CAMK1D: variants seen among roughly 807,000 people sequenced by gnomAD.
CAMK1D encodes calcium/calmodulin dependent protein kinase ID, also known as calcium/calmodulin-dependent protein kinase type 1D.
Under a neutral mutation model 47.7 loss-of-function variants are expected in CAMK1D, and 9 were observed. The observed-to-expected ratio is 0.19, with a 90% CI of 0.11 to 0.33. The LOEUF is 0.33. Ranked by LOEUF, CAMK1D falls within the 10% of genes least tolerant of loss-of-function variation. CAMK1D has a pLI of 1.00. For synonymous variants in CAMK1D, 184 were observed against 184.9 expected, an observed-to-expected ratio of 0.99 and a Z score of 0.04; for missense variants, 291 against 488.7, an observed-to-expected ratio of 0.60 and a Z score of 3.81.
chr10:12,746,564 C>T (rs1292927393), intron 3 of CAMK1D, among the ~76,000 whole-genome samples: 1 of 152,158 alleles, frequency 6.6e-6, no homozygotes, highest in Non-Finnish European at 1.5e-5. Context: ...GCTCCTGGAA[C>T]ACCTTCTCTT....
intron 1 of CAMK1D, among the ~76,000 whole-genome samples, chr10:12,526,740 A>G (rs1479181244): frequency 1.3e-5 from 2 of 152,100 alleles, no homozygotes; most frequent in East Asian, 3.9e-4. Flanking sequence ...CAATGTGGCG[A>G]AGCCCCATCT....
chr10:12,530,792 C>T (rs1415469587), intron 1 of CAMK1D, among the ~76,000 whole-genome samples: 2 of 152,142 alleles, frequency 1.3e-5, no homozygotes, highest in African/African-American at 2.4e-5. Flanking sequence ...TGTGGTGGCT[C>T]ACGCCTGTAA....
chr10:12,533,152 C>T (rs1483975248), intron 1 of CAMK1D, among the ~76,000 whole-genome samples: 3 of 152,168 alleles, frequency 2.0e-5, no homozygotes, highest in South Asian at 4.1e-4. Flanking sequence ...GGGATTATTA[C>T]GCATTGCATG....
chr10:12,516,186 T>C (rs1326866228), intron 1 of CAMK1D, among the ~76,000 whole-genome samples: 1 of 152,204 alleles, frequency 6.6e-6, no homozygotes, highest in East Asian at 1.9e-4. Context: ...CTTGATTTAC[T>C]GCAAGCTCTG....
At chr10:12,827,846 G>C (rs1387819026) in intron 10 of CAMK1D, among the ~76,000 whole-genome samples, 1 of 151,910 alleles carries the variant, frequency 6.6e-6, no homozygotes, top group Non-Finnish European at 1.5e-5. Flanking sequence ...GTACCACCGT[G>C]CGCAGCTAAT....
intron 1 of CAMK1D, among the ~76,000 whole-genome samples, chr10:12,375,679 G>C (rs1243906831): frequency 2.0e-5 from 3 of 152,160 alleles, no homozygotes; most frequent in Non-Finnish European, 2.9e-5. Context: ...CTGTGTCCTA[G>C]GGTATCCTGC....
intron 1 of CAMK1D, among the ~76,000 whole-genome samples, chr10:12,526,083 A>G (rs914018928): frequency 2.0e-5 from 3 of 152,178 alleles, no homozygotes; most frequent in African/African-American, 7.2e-5. Context: ...TTTGAACATT[A>G]TGTTGTGAGA....
At chr10:12,516,615 A>G (rs80169548) in intron 1 of CAMK1D, among the ~76,000 whole-genome samples, 2,810 of 152,344 alleles carry the variant, frequency 0.018, 90 homozygotes, top group African/African-American at 0.064. Flanking sequence ...GCAGCGTATC[A>G]TGATGCTGTT....
intron 1 of CAMK1D, among the ~76,000 whole-genome samples, chr10:12,429,205 G>T (rs1365856165): frequency 1.3e-5 from 2 of 152,096 alleles, no homozygotes; most frequent in Admixed American, 6.6e-5. Flanking sequence ...TCACACACGT[G>T]CTTTCCTCTT....
At chr10:12,399,104 C>T (rs1197166130) in intron 1 of CAMK1D, among the ~76,000 whole-genome samples, 1 of 152,124 alleles carries the variant, frequency 6.6e-6, no homozygotes, top group African/African-American at 2.4e-5. Context: ...TTGAAATATG[C>T]ATAGAGGTGG....
chr10:12,696,614 A>G (rs1008070363), intron 3 of CAMK1D, among the ~76,000 whole-genome samples: 2 of 152,210 alleles, frequency 1.3e-5, no homozygotes, highest in African/African-American at 4.8e-5. Flanking sequence ...CTTCAGTTGT[A>G]TATTCATATT....
At chr10:12,399,834 T>C (rs1839108812) in intron 1 of CAMK1D, among the ~76,000 whole-genome samples, 1 of 152,242 alleles carries the variant, frequency 6.6e-6, no homozygotes, top group Non-Finnish European at 1.5e-5. Flanking sequence ...AGAAAATTTG[T>C]AATGTTAGTT....
At chr10:12,634,496 G>T (rs1839460887) in intron 2 of CAMK1D, among the ~76,000 whole-genome samples, 1 of 152,164 alleles carries the variant, frequency 6.6e-6, no homozygotes, top group African/African-American at 2.4e-5. Context: ...CAGAGCGCGG[G>T]GTGGGAGGTG....
At chr10:12,451,446 C>A (rs1418223891) in intron 1 of CAMK1D, among the ~76,000 whole-genome samples, 3 of 152,186 alleles carry the variant, frequency 2.0e-5, no homozygotes, top group African/African-American at 2.4e-5. Flanking sequence ...TTCACTCTTG[C>A]CCTCTTCTTG....
intron 1 of CAMK1D, among the ~76,000 whole-genome samples, chr10:12,516,668 A>G (rs2132176578): frequency 6.6e-6 from 1 of 152,312 alleles, no homozygotes; most frequent in East Asian, 1.9e-4. Flanking sequence ...AGTTTTTAAA[A>G]CATTCTAGTC....
At chr10:12,386,619 A>G (rs1274929581) in intron 1 of CAMK1D, among the ~76,000 whole-genome samples, 3 of 152,236 alleles carry the variant, frequency 2.0e-5, no homozygotes, top group Admixed American at 2.0e-4. Context: ...AATGTAAAAA[A>G]TAAGTTAACA....
At chr10:12,656,207 A>G (rs1840110811) in intron 2 of CAMK1D, among the ~76,000 whole-genome samples, 1 of 152,108 alleles carries the variant, frequency 6.6e-6, no homozygotes, top group Non-Finnish European at 1.5e-5. Context: ...ATCCCTACAC[A>G]TATGAGTGCT....
intron 1 of CAMK1D, among the ~76,000 whole-genome samples, chr10:12,514,052 C>T (rs1469898455): frequency 6.6e-6 from 1 of 152,130 alleles, no homozygotes; most frequent in Admixed American, 6.5e-5. Flanking sequence ...TTGTCACTGC[C>T]CCCCTAGAGA....
At chr10:12,427,700 G>GTTTTTTGTTTTTTT (rs1840284197) in intron 1 of CAMK1D, among the ~76,000 whole-genome samples, 1 of 31,030 alleles carries the variant, frequency 3.2e-5, no homozygotes, top group Non-Finnish European at 6.2e-5. Context: ...TGAACTTACT[G>GTTTTTTGTTTTTTT]TTTTTTTTTT....
Sources: gnomAD v4.1 joint callset for allele counts (sites outside exome capture counted in the v4.1 genomes callset) on GRCh38, gnomAD v4.1.1 for gene constraint, MANE v1.5 for transcripts, NCBI Gene and HGNC (gene_info 2026-07-23, HGNC 2026-07-21) for gene names.